The following PKN2 variants were observed in gnomAD, a reference collection of about 807,000 sequenced individuals.
The protein encoded by PKN2 is serine/threonine-protein kinase N2.
In PKN2, 38 loss-of-function variants were observed where a neutral mutation model predicts 119.1. The ratio of observed to expected loss-of-function variants is 0.32; its 90% CI spans 0.25 to 0.42. The LOEUF is 0.42. PKN2 is among the 10% of genes least tolerant of loss of function. PKN2 has a pLI of 1.00. For synonymous variants in PKN2, 390 were observed against 384.9 expected, an observed-to-expected ratio of 1.01 and a Z score of -0.15; for missense variants, 850 against 1,165.1, an observed-to-expected ratio of 0.73 and a Z score of 3.94.
intron 6 of PKN2, chr1:88,781,183 A>C (rs1313855786): frequency 7.9e-7 from 1 of 1,273,486 alleles, no homozygotes; most frequent in Non-Finnish European, 1.0e-6. Flanking sequence ...TGCTGTTCTG[A>C]ATTTTTCACT....
intron 1 of PKN2, among the ~76,000 whole-genome samples, chr1:88,737,785 A>G (rs1456162037): frequency 6.6e-6 from 1 of 151,958 alleles, no homozygotes; most frequent in Admixed American, 6.6e-5. Context: ...AAAGTCCTGC[A>G]CTCACTTCCC....
chr1:88,742,704 A>G (rs1668622502), intron 2 of PKN2, among the ~76,000 whole-genome samples: 1 of 150,564 alleles, frequency 6.6e-6, no homozygotes, highest in African/African-American at 2.5e-5. Context: ...AACTCTGCCA[A>G]ACTCTACATT....
intron 1 of PKN2, among the ~76,000 whole-genome samples, chr1:88,735,108 G>A (rs1668287194): frequency 6.6e-6 from 1 of 152,006 alleles, no homozygotes; most frequent in South Asian, 2.1e-4. Flanking sequence ...ATGTTTTCTT[G>A]TTACACATTA....
intron 2 of PKN2, among the ~76,000 whole-genome samples, chr1:88,754,138 A>C (rs1281584936): frequency 1.3e-5 from 2 of 152,066 alleles, no homozygotes; most frequent in Non-Finnish European, 2.9e-5. Context: ...CATTTTTATT[A>C]GTTCTTAAAA....
Position 88,741,088 on chromosome 1 carries a change from A to C in PKN2, c.149A>C (p.Asp50Ala). 6.2e-7 allele frequency: 1 copy of C among 1,611,558 alleles called. No individual in the cohort carries two copies. The highest frequency in any genetic ancestry group is 8.5e-7 in the Non-Finnish European group (1 of 1,178,884). The change falls in exon 2 of 22, where the codon GAT becomes GCT. Residue 50 changes from aspartate to alanine, a missense_variant. Physicochemically the swap from Asp to Ala is moderately radical, Grantham distance 126. This residue lies in a region of PKN2 where 73 missense variants were observed against 61.2 expected (regional missense o/e 1.19). Coordinates refer to ENST00000370521, the MANE Select transcript of PKN2 (RefSeq NM_006256.4). ...MVQQKLDDIK[D>A]RIKREIRKEL... is the part of the protein sequence containing the mutation. ...CAGCAGAAATTGGATGATATCAAGGATCGAATTAAGAGAGAAATAAGGAAA... is the reference window on the plus strand; with the variant it reads ...CAGCAGAAATTGGATGATATCAAGGCTCGAATTAAGAGAGAAATAAGGAAA...
chr1:88,712,839 A>G (rs1570514725), intron 1 of PKN2, among the ~76,000 whole-genome samples: 3 of 152,250 alleles, frequency 2.0e-5, no homozygotes. Flanking sequence ...GGTTTGTTAC[A>G]TATGTATACA....
Position 88,826,524 on chromosome 1 carries a change from C to T in PKN2, c.2420-1957C>T, listed in dbSNP as rs149767998. 3.9e-3 allele frequency among the ~76,000 whole-genome samples: 586 copies of T among 152,062 alleles called. 5 individuals are homozygous for T. Among genetic ancestry groups the T allele is most frequent in the African/African-American group, 0.013 (557 of 41,478 alleles). On this transcript the variant is annotated intron_variant, in intron 18 of 21. Coordinates refer to ENST00000370521, the MANE Select transcript of PKN2 (RefSeq NM_006256.4). ...GTGAAATCAAGGCTTTTAGGATATT[C>T]GTCACCCAAATAACATACATTGTAC...
intron 2 of PKN2, among the ~76,000 whole-genome samples, chr1:88,750,700 T>A (rs1668951697): frequency 6.6e-6 from 1 of 152,164 alleles, no homozygotes; most frequent in Non-Finnish European, 1.5e-5. Context: ...CTTGGACAGC[T>A]ATCTCTAAAT....
chr1:88,732,927 TC>T (rs1427507417), intron 1 of PKN2, among the ~76,000 whole-genome samples: 3 of 152,124 alleles, frequency 2.0e-5, no homozygotes, highest in Non-Finnish European at 4.4e-5. Context: ...ATGATCTCAT[TC>T]ATAGGTGGAA....
intron 6 of PKN2, among the ~76,000 whole-genome samples, chr1:88,779,664 A>G (rs1403607953): frequency 6.6e-6 from 1 of 152,148 alleles, no homozygotes; most frequent in Non-Finnish European, 1.5e-5. Flanking sequence ...AATGCCAACA[A>G]ACCTTAAAAT....
chr1:88,755,391 A>G (rs928320036), intron 2 of PKN2, among the ~76,000 whole-genome samples: 1 of 152,182 alleles, frequency 6.6e-6, no homozygotes, highest in Non-Finnish European at 1.5e-5. Flanking sequence ...ATTGGGGAAA[A>G]AAAGTGAACT....
At chr1:88,717,121 C>T (rs1667487235) in intron 1 of PKN2, among the ~76,000 whole-genome samples, 1 of 152,122 alleles carries the variant, frequency 6.6e-6, no homozygotes, top group Admixed American at 6.6e-5. Flanking sequence ...TGAATATTGG[C>T]CCCCACTCTC....
At chr1:88,720,145 C>CA (rs2100703232) in intron 1 of PKN2, among the ~76,000 whole-genome samples, 1 of 152,184 alleles carries the variant, frequency 6.6e-6, no homozygotes, top group East Asian at 1.9e-4. Context: ...CTGATCCTCT[C>CA]ACCTCAGCCT....
At chr1:88,695,681 T>C (rs910216598) in intron 1 of PKN2, among the ~76,000 whole-genome samples, 12 of 152,176 alleles carry the variant, frequency 7.9e-5, no homozygotes, top group African/African-American at 2.2e-4. Flanking sequence ...ATGTTAGCCA[T>C]CCTTTTTATT....
At chr1:88,722,044 G>A (rs1470443442) in intron 1 of PKN2, among the ~76,000 whole-genome samples, 2 of 152,186 alleles carry the variant, frequency 1.3e-5, no homozygotes, top group South Asian at 2.1e-4. Context: ...TTGATCAGTG[G>A]CATGGTGATC....
chr1:88,819,414 A>G (rs1672152806), intron 16 of PKN2, among the ~76,000 whole-genome samples: 2 of 152,230 alleles, frequency 1.3e-5, no homozygotes, highest in African/African-American at 4.8e-5. Flanking sequence ...TATGAAAAAA[A>G]GCTCATCATC....
intron 3 of PKN2, among the ~76,000 whole-genome samples, chr1:88,767,070 ATAT>A: frequency 6.6e-6 from 1 of 152,288 alleles, no homozygotes; most frequent in African/African-American, 2.4e-5. Flanking sequence ...GAAGAGAGTA[ATAT>A]TATATGGTTT....
At chr1:88,779,526 G>A (rs1670246346) in intron 6 of PKN2, among the ~76,000 whole-genome samples, 1 of 151,010 alleles carries the variant, frequency 6.6e-6, no homozygotes, top group African/African-American at 2.4e-5. Context: ...TGTACCACAT[G>A]AGGACCTTCT....
intron 16 of PKN2, among the ~76,000 whole-genome samples, chr1:88,821,113 A>G (rs1053301096): frequency 5.3e-5 from 8 of 152,046 alleles, no homozygotes; most frequent in Admixed American, 1.3e-4. Context: ...GGCTACCTCT[A>G]TGTTTCTTTA....
Sources: allele counts gnomAD v4.1 joint callset (sites outside exome capture counted in the v4.1 genomes callset), GRCh38; gene constraint gnomAD v4.1.1; regional missense constraint gnomAD v4.1.1; transcripts MANE v1.5; gene names NCBI Gene and HGNC (gene_info 2026-07-23, HGNC 2026-07-21).